Variants in USH2A observed in about 807,000 individuals in gnomAD.
The protein encoded by USH2A is usherin, also known as Usher syndrome 2A (autosomal recessive, mild).
In USH2A, 443 loss-of-function variants were observed where a neutral mutation model predicts 538.9. That is an observed-to-expected ratio of 0.82 (90% CI 0.76 to 0.89). USH2A has a LOEUF of 0.89. USH2A is among the 40% of genes least tolerant of loss of function. The probability of loss-of-function intolerance (pLI) is 0.00; values close to 1 mark genes in which losing one functional copy is unlikely to be tolerated. For synonymous variants in USH2A, 2,413 were observed against 2,273.5 expected (o/e 1.06, Z -1.75); for missense variants, 6,633 against 6,324.8 (o/e 1.05, Z -1.65).
At chr1:216,298,863 C>T (rs1489139845) in intron 9 of USH2A, among the ~76,000 whole-genome samples, 6 of 147,350 alleles carry the variant, frequency 4.1e-5, no homozygotes, top group Non-Finnish European at 7.4e-5. Flanking sequence ...TTTTTTGAGA[C>T]GGAGTCTCAC....
At chr1:216,177,002 G>T (rs890753812) in intron 20 of USH2A, among the ~76,000 whole-genome samples, 2 of 152,158 alleles carry the variant, frequency 1.3e-5, no homozygotes, top group African/African-American at 4.8e-5. Context: ...GAATAAAGCT[G>T]CTATGATGTG....
At position 215,627,469 on chromosome 1, in the gene USH2A, C is replaced by T. The variant is rs370657394; in HGVS notation, c.15519+1345G>A. On this transcript the variant is annotated intron_variant, in intron 71 of 71. Transcript: ENST00000307340. Reference sequence around the variant, plus strand: ...CCTTCCTTCCTTCCTTCCTTCCTTCCTTCCTTCCTTCCTTCTTTCCTTCCT... The same window carrying T: ...CCTTCCTTCCTTCCTTCCTTCCTTCTTTCCTTCCTTCCTTCTTTCCTTCCT... Among the ~76,000 whole-genome samples the T allele has an allele frequency of 1.1e-3, 145 of 138,084 alleles. 3 individuals are homozygous for T. The highest frequency in any genetic ancestry group is 1.4e-3 in the African/African-American group (49 of 36,160). 90.6% of individuals were successfully genotyped at this position (138,084 alleles called of 152,430 possible).
intron 67 of USH2A, among the ~76,000 whole-genome samples, chr1:215,641,811 A>C (rs574022075): frequency 5.9e-5 from 9 of 152,218 alleles, no homozygotes; most frequent in Non-Finnish European, 1.2e-4. Flanking sequence ...GTAATATTCA[A>C]CCGTAAAGAC....
chr1:215,712,874 C>T (rs776106243), intron 61 of USH2A, among the ~76,000 whole-genome samples: 4 of 150,952 alleles, frequency 2.6e-5, no homozygotes, highest in South Asian at 2.1e-4. Flanking sequence ...TGGCAGATCT[C>T]GGCTCACTGC....
At chr1:215,630,484 A>G (rs112077819) in intron 70 of USH2A, among the ~76,000 whole-genome samples, 773 of 10,408 alleles carry the variant, frequency 0.074, 4 homozygotes, top group East Asian at 0.2. Context: ...GTGTGTGTGT[A>G]TATATATATA....
intron 68 of USH2A, among the ~76,000 whole-genome samples, 196 bp downstream of exon 68, chr1:215,640,362 G>A (rs997020550): frequency 2.0e-5 from 3 of 152,124 alleles, no homozygotes; most frequent in African/African-American, 7.2e-5. Context: ...CATTATAACT[G>A]CAGTGCTGTC....
Position 215,889,362 on chromosome 1 carries a change from T to G in USH2A, c.7595-308A>C, listed in dbSNP as rs74372467. On this transcript the variant is annotated intron_variant, in intron 40 of 71. Coordinates refer to ENST00000307340, the MANE Select transcript of USH2A (RefSeq NM_206933.4). ...AAAATGAGGATTTAAAAAAATAAATTTAATAAACATACAAGAGGGTAGTTG... is the reference window on the plus strand; with the variant it reads ...AAAATGAGGATTTAAAAAAATAAATGTAATAAACATACAAGAGGGTAGTTG... Among the ~76,000 whole-genome samples the G allele has an allele frequency of 0.055, 8,436 of 152,222 alleles. 253 individuals carry two copies. The highest frequency in any genetic ancestry group is 0.079 in the Middle Eastern group (23 of 292).
At chr1:216,323,424 G>A in intron 8 of USH2A, 50 bp downstream of exon 8, 1 of 1,569,392 alleles carries the variant, frequency 6.4e-7, no homozygotes. Flanking sequence ...GTGCTGTTAA[G>A]ACAGTAAGTA....
At chr1:216,277,912 G>T (rs1016184159) in intron 11 of USH2A, among the ~76,000 whole-genome samples, 2 of 152,078 alleles carry the variant, frequency 1.3e-5, no homozygotes, top group African/African-American at 4.8e-5. Context: ...CCAACAAGGA[G>T]GTAGGAACAG....
chr1:215,744,049 T>C (rs6702070), intron 58 of USH2A, among the ~76,000 whole-genome samples: 39,746 of 152,094 alleles, frequency 0.26, 5,464 homozygotes, highest in East Asian at 0.38. Context: ...TGCTGTCCTA[T>C]ATTTTTTCTA....
intron 32 of USH2A, among the ~76,000 whole-genome samples, chr1:216,012,701 A>G (rs1668606125): frequency 1.3e-5 from 2 of 152,082 alleles, no homozygotes; most frequent in South Asian, 4.1e-4. Context: ...AACACACCTC[A>G]CCAAGCTCAG....
intron 35 of USH2A, among the ~76,000 whole-genome samples, chr1:215,991,733 T>C (rs1668008688): frequency 2.0e-5 from 3 of 152,224 alleles, no homozygotes; most frequent in African/African-American, 4.8e-5. Flanking sequence ...CCTGAACAGC[T>C]GAAGATTCTG....
At chr1:215,999,655 G>T (rs1313234061) in intron 33 of USH2A, among the ~76,000 whole-genome samples, 1 of 152,144 alleles carries the variant, frequency 6.6e-6, no homozygotes, top group Non-Finnish European at 1.5e-5. Context: ...TCATAGAACA[G>T]ACAGGAAATT....
chr1:216,087,771 A>G (rs2032179784), intron 23 of USH2A, among the ~76,000 whole-genome samples: 2 of 152,118 alleles, frequency 1.3e-5, no homozygotes, highest in South Asian at 4.1e-4. Context: ...TATATCTTCA[A>G]TTATCACCCT....
chr1:216,179,767 C>A (rs2034457612), intron 20 of USH2A, among the ~76,000 whole-genome samples: 1 of 151,872 alleles, frequency 6.6e-6, no homozygotes, highest in South Asian at 2.1e-4. Flanking sequence ...ATAGAATCAC[C>A]AAGAGATTGG....
At chr1:215,813,670 C>T (rs573987791) in intron 49 of USH2A, 66 bp downstream of exon 49, 281 of 1,599,510 alleles carry the variant, frequency 1.8e-4, no homozygotes, top group Middle Eastern at 6.6e-4. Flanking sequence ...AGTTCACTGA[C>T]ATGAACCACG....
At chr1:216,332,235 G>A (rs963443433) in intron 4 of USH2A, among the ~76,000 whole-genome samples, 6 of 152,072 alleles carry the variant, frequency 3.9e-5, no homozygotes, top group African/African-American at 1.4e-4. Context: ...AGTAAGGCTT[G>A]AATTGACTCA....
At position 216,402,684 on chromosome 1, in the gene USH2A, T is replaced by C. The variant is rs114811376; in HGVS notation, c.651+15830A>G. Among the ~76,000 whole-genome samples, 410 of 152,304 alleles carry C rather than the reference T, an allele frequency of 2.7e-3. 1 individual carries two copies. Among genetic ancestry groups the C allele is most frequent in the African/African-American group, 9.3e-3 (385 of 41,586 alleles). On this transcript the variant is annotated intron_variant, in intron 3 of 71. Transcript: ENST00000307340. ...AACATATAACATGCAAAATATGTGTTAATGGACCATTTATCTTATTGGTAA... is the reference window on the plus strand; with the variant it reads ...AACATATAACATGCAAAATATGTGTCAATGGACCATTTATCTTATTGGTAA...
At position 216,097,121 on chromosome 1, in the gene USH2A, A is replaced by G. The variant is rs755686715; in HGVS notation, c.4720T>C (p.Leu1574=). 6.8e-6 allele frequency: 11 copies of G among 1,614,144 alleles called. No homozygotes were observed. The highest frequency in any genetic ancestry group is 4.0e-5 in the African/African-American group (3 of 75,072). The change falls in exon 22 of 72, where the codon TTG becomes CTG. Residue 1574 remains leucine, a synonymous_variant. Coordinates refer to ENST00000307340, the MANE Select transcript of USH2A (RefSeq NM_206933.4). The stretch of plus-strand genomic sequence containing the variant: ...AGAAAATAAAGACGTCCCTTCTTCA[A>G]CTGAAGTGCAAAATACTCTTCCTGA... ...GNQEEYFALQ[L]KKGRLYFLFD...
Sources: gnomAD v4.1 joint callset for allele counts (sites outside exome capture counted in the v4.1 genomes callset) on GRCh38, gnomAD v4.1.1 for gene constraint, MANE v1.5 for transcripts, NCBI Gene and HGNC (gene_info 2026-07-23, HGNC 2026-07-21) for gene names.